DEPTOR: variants seen among roughly 807,000 people sequenced by gnomAD.
DEPTOR encodes DEP domain-containing mTOR-interacting protein.
Under a neutral mutation model 41.6 loss-of-function variants are expected in DEPTOR, and 41 were observed. The observed-to-expected ratio is 0.98, with a 90% CI of 0.77 to 1.28. The LOEUF (loss-of-function observed/expected upper bound fraction) is 1.28, where lower values mean the gene tolerates loss of function less well. DEPTOR is among the 50% of genes most tolerant of loss of function. DEPTOR has a pLI of 0.00. For missense variants in DEPTOR, 514 were observed against 527.9 expected (o/e 0.97, Z 0.26); for synonymous variants, 195 against 192.3 (o/e 1.01, Z -0.12).
intron 1 of DEPTOR, among the ~76,000 whole-genome samples, chr8:119,911,456 T>C (rs1827735823): frequency 6.6e-6 from 1 of 151,780 alleles, no homozygotes; most frequent in Non-Finnish European, 1.5e-5. Context: ...GCAGCTGGGA[T>C]TACAGGCATG....
At chr8:119,967,064 TTTTTG>T (rs1173247161) in intron 4 of DEPTOR, among the ~76,000 whole-genome samples, 2 of 151,802 alleles carry the variant, frequency 1.3e-5, no homozygotes, top group African/African-American at 2.4e-5. Context: ...ATGGGAGTCT[TTTTTG>T]TTTTGTTTTG....
chr8:120,034,540 C>G (rs531993951), intron 8 of DEPTOR, among the ~76,000 whole-genome samples: 1 of 143,510 alleles, frequency 7.0e-6, no homozygotes, highest in Non-Finnish European at 1.5e-5. Flanking sequence ...CTCCACCTCC[C>G]GGGTTCAAGC....
At chr8:120,043,007 T>C (rs1463371969) in intron 8 of DEPTOR, among the ~76,000 whole-genome samples, 2 of 152,032 alleles carry the variant, frequency 1.3e-5, no homozygotes, top group Admixed American at 6.6e-5. Context: ...TGTACCACCA[T>C]GCCTGGCTAA....
intron 8 of DEPTOR, among the ~76,000 whole-genome samples, chr8:120,033,131 A>C (rs1409744412): frequency 1.5e-5 from 2 of 132,904 alleles, no homozygotes; most frequent in Non-Finnish European, 1.5e-5. Flanking sequence ...CTTGTTGCCC[A>C]GGCTGGAGTG....
chr8:119,928,691 C>T, intron 2 of DEPTOR, 113 bp downstream of exon 2: 1 of 1,124,222 alleles, frequency 8.9e-7, no homozygotes, highest in Non-Finnish European at 1.2e-6. Context: ...CTCCAGTGTA[C>T]CTCTCCCTGA....
At chr8:119,991,502 G>A (rs1433558989) in intron 4 of DEPTOR, among the ~76,000 whole-genome samples, 2 of 152,068 alleles carry the variant, frequency 1.3e-5, no homozygotes, top group African/African-American at 2.4e-5. Context: ...ATTTTTAATG[G>A]AGACGGGGTT....
chr8:119,958,935 G>A (rs759478809), intron 3 of DEPTOR, among the ~76,000 whole-genome samples: 1 of 152,162 alleles, frequency 6.6e-6, no homozygotes, highest in Non-Finnish European at 1.5e-5. Flanking sequence ...AGACACATGA[G>A]GAACTACTGT....
At chr8:119,918,588 G>C (rs1274636439) in intron 1 of DEPTOR, among the ~76,000 whole-genome samples, 2 of 152,112 alleles carry the variant, frequency 1.3e-5, no homozygotes, top group Non-Finnish European at 2.9e-5. Context: ...AGCCTCCCGA[G>C]TAGCTGGGAC....
At chr8:119,997,335 A>G (rs1324795369) in intron 4 of DEPTOR, among the ~76,000 whole-genome samples, 1 of 152,110 alleles carries the variant, frequency 6.6e-6, no homozygotes, top group East Asian at 1.9e-4. Context: ...CCTGGGATCA[A>G]GCGATCCTCC....
Position 119,946,393 on chromosome 8 carries a change from C to T in DEPTOR, c.425+16455C>T, listed in dbSNP as rs1037868570. Among the ~76,000 whole-genome samples, 11 of 151,024 alleles carry T rather than the reference C, an allele frequency of 7.3e-5. 1 individual carries two copies. Among genetic ancestry groups the T allele is most frequent in the Non-Finnish European group, 1.6e-4 (11 of 67,952 alleles). On this transcript the variant is annotated intron_variant, in intron 3 of 8. Coordinates refer to ENST00000286234, the MANE Select transcript of DEPTOR (RefSeq NM_022783.4). ...GTGCAGCTCAATTCATTTTCACAAA[C>T]TGAACATACCTGTGGAACCACCACC... is the stretch of plus-strand genomic sequence containing the variant.
intron 4 of DEPTOR, among the ~76,000 whole-genome samples, chr8:119,978,136 C>G (rs1246242070): frequency 2.6e-5 from 4 of 152,138 alleles, no homozygotes; most frequent in Non-Finnish European, 5.9e-5. Flanking sequence ...ACCCAGTGTC[C>G]CCTGCAGTAT....
intron 4 of DEPTOR, among the ~76,000 whole-genome samples, chr8:119,982,419 G>A (rs1828780241): frequency 6.6e-6 from 1 of 152,172 alleles, no homozygotes; most frequent in South Asian, 2.1e-4. Context: ...TGTTTCCTAA[G>A]CTTTTGATCT....
In DEPTOR at chr8:120,003,071, C is replaced by G. The variant is rs1188915349; in HGVS notation, c.885C>G (p.Thr295=). 1.7e-5 allele frequency: 28 copies of G among 1,613,128 alleles called. No individual in the cohort carries two copies. Among genetic ancestry groups the G allele is most frequent in the Non-Finnish European group, 2.4e-5 (28 of 1,179,878 alleles). The change falls in exon 6 of 9, where the codon ACC becomes ACG. Residue 295 remains threonine, a synonymous_variant. Transcript: ENST00000286234. ...GSSGYFSSSP[T]LSSSPPVLCN... ...GCGGCTACTTCAGCAGCAGCCCCAC[C>G]CTCAGCAGCAGCCCCCCTGTGCTCT...
At chr8:119,994,798 T>A (rs1399709764) in intron 4 of DEPTOR, among the ~76,000 whole-genome samples, 8 of 151,786 alleles carry the variant, frequency 5.3e-5, no homozygotes, top group Admixed American at 2.6e-4. Flanking sequence ...ACGCCTGTAG[T>A]CTCAGCTACT....
intron 8 of DEPTOR, among the ~76,000 whole-genome samples, chr8:120,034,321 G>A (rs1349842237): frequency 6.6e-6 from 1 of 150,866 alleles, no homozygotes; most frequent in Non-Finnish European, 1.5e-5. Flanking sequence ...GCTGAGATCA[G>A]AGCAGTGCCA....
chr8:119,876,637 C>CAA (rs58180956), intron 1 of DEPTOR, among the ~76,000 whole-genome samples: 13 of 139,034 alleles, frequency 9.4e-5, no homozygotes, highest in African/African-American at 3.4e-4. Context: ...GCCTCCATCT[C>CAA]AAAAAAAAAA....
intron 1 of DEPTOR, among the ~76,000 whole-genome samples, chr8:119,890,036 C>T (rs1199164088): frequency 6.6e-6 from 1 of 152,086 alleles, no homozygotes; most frequent in Non-Finnish European, 1.5e-5. Context: ...GCAATCTTGG[C>T]TCACTGGAAC....
intron 1 of DEPTOR, among the ~76,000 whole-genome samples, chr8:119,894,832 C>G (rs1827496010): frequency 6.6e-6 from 1 of 152,150 alleles, no homozygotes. Context: ...AAAGACAATA[C>G]TTATTTATAA....
chr8:119,948,552 G>A (rs937992131), intron 3 of DEPTOR, among the ~76,000 whole-genome samples: 8 of 151,708 alleles, frequency 5.3e-5, no homozygotes, highest in Admixed American at 2.6e-4. Flanking sequence ...CATACAATTC[G>A]CCTATTTAAA....
Sources: gnomAD v4.1 joint callset for allele counts (sites outside exome capture counted in the v4.1 genomes callset) on GRCh38, gnomAD v4.1.1 for gene constraint, MANE v1.5 for transcripts, NCBI Gene and HGNC (gene_info 2026-07-23, HGNC 2026-07-21) for gene names.